The following FBXL17 variants were observed in gnomAD, a reference collection of about 807,000 sequenced individuals.
FBXL17 encodes the protein F-box and leucine rich repeat protein 17, also known as F-box/LRR-repeat protein 17.
Under a neutral mutation model 66.2 loss-of-function variants are expected in FBXL17, and 22 were observed. The observed-to-expected ratio is 0.33, with a 90% CI of 0.24 to 0.47. FBXL17 has a LOEUF of 0.47. Ranked by LOEUF, FBXL17 falls within the 20% of genes least tolerant of loss-of-function variation. The pLI is 1.00. For missense variants in FBXL17, 878 were observed against 948.2 expected (o/e 0.93, Z 0.97); for synonymous variants, 474 against 400.5 (o/e 1.18, Z -2.19).
At chr5:108,052,709 A>T (rs1457992420) in intron 6 of FBXL17, among the ~76,000 whole-genome samples, 1 of 152,204 alleles carries the variant, frequency 6.6e-6, no homozygotes. Flanking sequence ...TAAATTTCAT[A>T]TGGAATTAAA....
chr5:107,865,421 C>T (rs559772943), intron 8 of FBXL17, among the ~76,000 whole-genome samples: 1 of 151,940 alleles, frequency 6.6e-6, no homozygotes, highest in East Asian at 1.9e-4. Flanking sequence ...ATTTATTTTG[C>T]CAGCTCCCCC....
At chr5:107,967,996 C>T (rs1752219312) in intron 7 of FBXL17, among the ~76,000 whole-genome samples, 1 of 152,044 alleles carries the variant, frequency 6.6e-6, no homozygotes, top group Non-Finnish European at 1.5e-5. Flanking sequence ...AAAGCTATTC[C>T]AGTTATACTA....
intron 6 of FBXL17, among the ~76,000 whole-genome samples, chr5:108,178,267 TGAAC>T (rs1752871969): frequency 6.6e-6 from 1 of 152,006 alleles, no homozygotes; most frequent in Non-Finnish European, 1.5e-5. Context: ...AGGCTGGTCT[TGAAC>T]TCCTGAGCTC....
chr5:108,009,253 T>A (rs2112733734), intron 7 of FBXL17, among the ~76,000 whole-genome samples: 1 of 15,798 alleles, frequency 6.3e-5, no homozygotes, highest in Non-Finnish European at 1.3e-4. Context: ...CGTGAGTTGT[T>A]CCCTGTTTTA....
chr5:108,133,922 A>G (rs1000117899), intron 6 of FBXL17, among the ~76,000 whole-genome samples: 3 of 152,168 alleles, frequency 2.0e-5, no homozygotes, highest in Non-Finnish European at 4.4e-5. Context: ...CAGCTGCTCT[A>G]TTAATGCCTC....
intron 8 of FBXL17, chr5:107,879,239 T>C (rs1748704056): frequency 1.0e-6 from 1 of 985,466 alleles, no homozygotes; most frequent in Non-Finnish European, 1.2e-6. Flanking sequence ...GACACATATG[T>C]ATGAATGTGT....
intron 4 of FBXL17, among the ~76,000 whole-genome samples, chr5:108,236,743 G>A (rs1382565197): frequency 6.6e-6 from 1 of 152,092 alleles, no homozygotes; most frequent in Non-Finnish European, 1.5e-5. Context: ...GTCATTTTCC[G>A]GGAGAAATAC....
intron 7 of FBXL17, among the ~76,000 whole-genome samples, chr5:107,989,843 T>C (rs1753168775): frequency 6.6e-6 from 1 of 152,192 alleles, no homozygotes; most frequent in African/African-American, 2.4e-5. Flanking sequence ...TGTGACTTCC[T>C]GAATTAAGAC....
chr5:108,279,449 C>T (rs1757615956), intron 4 of FBXL17, among the ~76,000 whole-genome samples: 2 of 151,872 alleles, frequency 1.3e-5, no homozygotes, highest in African/African-American at 4.8e-5. Flanking sequence ...TGCTATTTAG[C>T]TAAAATAATA....
At chr5:107,985,204 G>A (rs1752971460) in intron 7 of FBXL17, among the ~76,000 whole-genome samples, 1 of 152,216 alleles carries the variant, frequency 6.6e-6, no homozygotes, top group African/African-American at 2.4e-5. Flanking sequence ...TGCTGTGACA[G>A]AACAAAGATG....
At chr5:108,182,225 T>C (rs1753033491) in intron 6 of FBXL17, among the ~76,000 whole-genome samples, 1 of 152,142 alleles carries the variant, frequency 6.6e-6, no homozygotes, top group African/African-American at 2.4e-5. Context: ...TACTGGAGGA[T>C]AATAATAATG....
chr5:108,205,294 T>C (rs1185414949), intron 5 of FBXL17, among the ~76,000 whole-genome samples: 1 of 152,184 alleles, frequency 6.6e-6, no homozygotes, highest in Non-Finnish European at 1.5e-5. Context: ...TGTAATATTT[T>C]AAACCAAATC....
At chr5:108,070,459 AC>A (rs1748284850) in intron 6 of FBXL17, among the ~76,000 whole-genome samples, 1 of 152,254 alleles carries the variant, frequency 6.6e-6, no homozygotes, top group Non-Finnish European at 1.5e-5. Flanking sequence ...GAAAAATTAT[AC>A]TGTTTTAAGT....
At chr5:108,318,620 T>C (rs1332019721) in intron 4 of FBXL17, among the ~76,000 whole-genome samples, 1 of 151,888 alleles carries the variant, frequency 6.6e-6, no homozygotes, top group Non-Finnish European at 1.5e-5. Context: ...CAAAACTGTA[T>C]TTCATTAAGC....
intron 6 of FBXL17, among the ~76,000 whole-genome samples, chr5:108,097,814 G>A (rs924366279): frequency 6.6e-6 from 1 of 151,620 alleles, no homozygotes; most frequent in Non-Finnish European, 1.5e-5. Context: ...ATCTTCAGAG[G>A]TGTCTTTCCT....
At chr5:108,223,471 T>C (rs960528203) in intron 5 of FBXL17, among the ~76,000 whole-genome samples, 3 of 152,198 alleles carry the variant, frequency 2.0e-5, no homozygotes, top group East Asian at 1.9e-4. Context: ...AAATTTCAGA[T>C]AACACATAGG....
At chr5:108,224,528 T>TACATAC (rs1554076751) in intron 4 of FBXL17, among the ~76,000 whole-genome samples, 1 of 147,258 alleles carries the variant, frequency 6.8e-6, no homozygotes, top group African/African-American at 2.5e-5. Flanking sequence ...TGTATATGTA[T>TACATAC]ACACACACAC....
intron 7 of FBXL17, among the ~76,000 whole-genome samples, chr5:107,952,377 C>G (rs1175111349): frequency 6.6e-6 from 1 of 152,162 alleles, no homozygotes; most frequent in African/African-American, 2.4e-5. Context: ...ATAACTGAAA[C>G]TATTTCAGTA....
At position 108,381,234 on chromosome 5, in the gene FBXL17, T is replaced by C; in HGVS notation, c.458A>G (p.Glu153Gly). Reference sequence around the variant, plus strand: ...CAGGAAGAGACTTCGGCCCTGCTGCTCCCAGGCGGCGGCCGCAGCCAGCCC... The same window carrying C: ...CAGGAAGAGACTTCGGCCCTGCTGCCCCCAGGCGGCGGCCGCAGCCAGCCC... ...ELGLAAAAAW[E>G]QQGRSLFLAS... The change falls in exon 1 of 9, where the codon GAG becomes GGG. Residue 153 changes from glutamate to glycine, a missense_variant. Coordinates refer to ENST00000542267, the MANE Select transcript of FBXL17 (RefSeq NM_001163315.3). The C allele has an allele frequency of 6.9e-7, 1 of 1,444,644 alleles. No individual in the cohort carries two copies. Among genetic ancestry groups the C allele is most frequent in the Non-Finnish European group, 9.1e-7 (1 of 1,101,064 alleles). 89.5% of individuals were successfully genotyped at this position (1,444,644 alleles called of 1,614,324 possible). A position where few individuals can be genotyped will look rare whatever the true frequency, so the allele number is the denominator to read the frequency against.
Sources: gnomAD v4.1 joint callset for allele counts (sites outside exome capture counted in the v4.1 genomes callset) on GRCh38, gnomAD v4.1.1 for gene constraint, MANE v1.5 for transcripts, NCBI Gene and HGNC (gene_info 2026-07-23, HGNC 2026-07-21) for gene names.